Variants in KIF5C observed in about 807,000 individuals in gnomAD.
KIF5C encodes kinesin family member 5C.
Under a neutral mutation model 125.2 loss-of-function variants are expected in KIF5C, and 18 were observed. The observed-to-expected ratio is 0.14, with a 90% CI of 0.10 to 0.21. The LOEUF (loss-of-function observed/expected upper bound fraction) is 0.21. Ranked by LOEUF, KIF5C falls within the 10% of genes least tolerant of loss-of-function variation. The probability of loss-of-function intolerance (pLI) is 1.00; values close to 1 mark genes in which losing one functional copy is unlikely to be tolerated. For missense variants in KIF5C, 780 were observed against 1,183.8 expected, an observed-to-expected ratio of 0.66 and a Z score of 5.01; for synonymous variants, 405 against 434.0, an observed-to-expected ratio of 0.93 and a Z score of 0.83.
intron 11 of KIF5C, 55 bp downstream of exon 11, chr2:148,962,174 T>C: frequency 1.3e-6 from 2 of 1,499,424 alleles, no homozygotes; most frequent in Non-Finnish European, 1.8e-6. Flanking sequence ...TTTTTATTTT[T>C]ATTTTTTTTG....
At chr2:148,929,179 A>C (rs1395070558) in intron 2 of KIF5C, 102 bp from the exon 3 acceptor site, 1 of 664,582 alleles carries the variant, frequency 1.5e-6, no homozygotes, top group Non-Finnish European at 2.6e-6. Context: ...TGTATGAAAA[A>C]TGAGATGGGC....
chr2:148,910,295 A>G (rs1392040293), intron 1 of KIF5C, among the ~76,000 whole-genome samples: 1 of 152,234 alleles, frequency 6.6e-6, no homozygotes, highest in Non-Finnish European at 1.5e-5. Flanking sequence ...TGTTCTCACA[A>G]CTACCATGTG....
chr2:148,896,870 A>G (rs955670492), intron 1 of KIF5C, among the ~76,000 whole-genome samples: 1 of 151,424 alleles, frequency 6.6e-6, no homozygotes, highest in Non-Finnish European at 1.5e-5. Flanking sequence ...TCACTCTGTC[A>G]CCCAGGCTGG....
chr2:148,998,865 GA>G (rs11437473), intron 19 of KIF5C: 53 of 138,406 alleles, frequency 3.8e-4, no homozygotes, highest in South Asian at 6.7e-4. Flanking sequence ...GAAAAGAAAA[GA>G]AAAAAAAAAA....
chr2:149,006,169 G>C (rs898049848), intron 22 of KIF5C, among the ~76,000 whole-genome samples: 2 of 152,162 alleles, frequency 1.3e-5, no homozygotes, highest in Non-Finnish European at 2.9e-5. Context: ...AGAAAAGTGG[G>C]TGCATATGTG....
At chr2:148,952,370 A>G (rs1320420005) in intron 10 of KIF5C, among the ~76,000 whole-genome samples, 1 of 152,180 alleles carries the variant, frequency 6.6e-6, no homozygotes, top group Non-Finnish European at 1.5e-5. Context: ...ACCTTGGGGC[A>G]TTGCTGTTAT....
chr2:149,007,162 C>T (rs1682034521), intron 22 of KIF5C, among the ~76,000 whole-genome samples: 2 of 152,168 alleles, frequency 1.3e-5, no homozygotes, highest in South Asian at 4.1e-4. Flanking sequence ...CCTGGAGAGC[C>T]CAGTGCTAAG....
chr2:148,975,826 C>T (rs554375929), intron 12 of KIF5C, among the ~76,000 whole-genome samples: 2 of 152,282 alleles, frequency 1.3e-5, no homozygotes, highest in South Asian at 2.1e-4. Flanking sequence ...TGCTTTTTCT[C>T]ATCTGTATCA....
rs186518670 is a variant in KIF5C, at chr2:148,929,306, G to A, written c.243G>A (p.Thr81=). The A allele has an allele frequency of 1.6e-5, 24 of 1,536,316 alleles. No individual in the cohort carries two copies. In the Admixed American group the frequency reaches 3.3e-4, roughly 21 times the overall value. ...ATGTCCTTGAAGGTTATAACGGGACGATTTTTGCGTATGGGCAGACTTCAT... is the reference window on the plus strand; with the variant it reads ...ATGTCCTTGAAGGTTATAACGGGACAATTTTTGCGTATGGGCAGACTTCAT... ...VKDVLEGYNG[T]IFAYGQTSSG... Residue 81 remains threonine, a synonymous_variant, in exon 3 of 26, where the codon ACG becomes ACA. Transcript: ENST00000435030.
chr2:148,995,061 C>G (rs369429635), intron 17 of KIF5C, among the ~76,000 whole-genome samples: 1 of 152,120 alleles, frequency 6.6e-6, no homozygotes, highest in African/African-American at 2.4e-5. Flanking sequence ...CCTCACAGTC[C>G]ACCCAGTTAC....
At position 149,000,485 on chromosome 2, in the gene KIF5C, T is replaced by C. The variant is rs560626833; in HGVS notation, c.2273T>C (p.Ile758Thr). Reference sequence around the variant, plus strand: ...AGTTCTGATTATAACAAGCTGAAAATAGAGGACCAAGAGAGAGAAATGAAG... The same window carrying C: ...AGTTCTGATTATAACAAGCTGAAAACAGAGGACCAAGAGAGAGAAATGAAG... The part of the protein sequence containing the change: ...KLSSDYNKLK[I>T]EDQEREMKLE... The change falls in exon 20 of 26, where the codon ATA becomes ACA. Residue 758 changes from isoleucine to threonine, a missense_variant. Ile to Thr is a moderately conservative substitution (Grantham distance 89, BLOSUM62 -1). Around this residue, in one of 2 missense-constraint regions of KIF5C, gnomAD observed 573 missense variants for 742.6 expected, o/e 0.77. Coordinates refer to ENST00000435030, the MANE Select transcript of KIF5C (RefSeq NM_004522.3). 1.3e-5 allele frequency: 21 copies of C among 1,580,274 alleles called. No individual in the cohort carries two copies. The South Asian group carries it at 2.1e-4, about 15-fold the overall frequency.
At chr2:148,908,724 T>C (rs1283243348) in intron 1 of KIF5C, among the ~76,000 whole-genome samples, 1 of 152,242 alleles carries the variant, frequency 6.6e-6, no homozygotes, top group Non-Finnish European at 1.5e-5. Context: ...TTCCCCACTT[T>C]GCACTTAGAA....
intron 25 of KIF5C, among the ~76,000 whole-genome samples, chr2:149,021,735 T>TTA (rs1553473202): frequency 9.8e-4 from 144 of 146,546 alleles, no homozygotes; most frequent in African/African-American, 3.5e-3. Flanking sequence ...TTTTTTTTTT[T>TTA]AATCAAAAGA....
intron 1 of KIF5C, among the ~76,000 whole-genome samples, chr2:148,884,781 T>G (rs76172446): frequency 0.018 from 2,809 of 152,294 alleles, 76 homozygotes; most frequent in African/African-American, 0.064. Context: ...ATCAGAAGGC[T>G]AGGTACTGTT....
intron 21 of KIF5C, among the ~76,000 whole-genome samples, chr2:149,002,777 G>A (rs1045140709): frequency 6.6e-6 from 1 of 152,170 alleles, no homozygotes; most frequent in East Asian, 1.9e-4. Context: ...CCGTTCACAG[G>A]CACACTCATT....
intron 1 of KIF5C, among the ~76,000 whole-genome samples, chr2:148,886,628 C>A (rs1681535978): frequency 6.6e-6 from 1 of 152,014 alleles, no homozygotes; most frequent in Non-Finnish European, 1.5e-5. Flanking sequence ...GCACTGGGTC[C>A]CTGGTACTAA....
chr2:148,965,614 A>G (rs1683031015), intron 11 of KIF5C, among the ~76,000 whole-genome samples: 1 of 152,184 alleles, frequency 6.6e-6, no homozygotes. Flanking sequence ...TCTGTGTCTC[A>G]TGCTATGTGC....
rs1452991681 is a variant in KIF5C at position 149,023,222 on chromosome 2, G to GT, written c.*155dup. The GT allele has an allele frequency of 1.3e-5, 2 of 152,032 alleles. No homozygotes were observed. The highest frequency in any genetic ancestry group is 4.8e-5 in the African/African-American group (2 of 41,370). 9.4% of individuals were successfully genotyped at this position (152,032 alleles called of 1,614,324 possible). A position where few individuals can be genotyped will look rare whatever the true frequency, so the allele number is the denominator to read the frequency against. On this transcript the variant is annotated 3_prime_UTR_variant, in exon 26 of 26. Transcript: ENST00000435030. ...TTTCAGGTCTTTTGAGCTGTGTAGA[G>GT]TTTCTGTGTGTACAGATGTGTGCTC...
chr2:148,971,242 C>T (rs28703820), intron 11 of KIF5C, among the ~76,000 whole-genome samples: 2,552 of 152,058 alleles, frequency 0.017, 65 homozygotes, highest in African/African-American at 0.059. Context: ...AAGAATGTAT[C>T]CTGAATTATT....
Sources: gnomAD v4.1 joint callset for allele counts (sites outside exome capture counted in the v4.1 genomes callset) on GRCh38, gnomAD v4.1.1 for gene constraint, gnomAD v4.1.1 regional missense constraint, MANE v1.5 for transcripts, NCBI Gene and HGNC (gene_info 2026-07-23, HGNC 2026-07-21) for gene names.